ACER2: variants seen among roughly 807,000 people sequenced by gnomAD.
ACER2 encodes the protein alkCDase 2.
Under a neutral mutation model 34.7 loss-of-function variants are expected in ACER2, and 26 were observed. The ratio of observed to expected loss-of-function variants is 0.75; its 90% CI spans 0.55 to 1.04. The LOEUF (loss-of-function observed/expected upper bound fraction) is 1.04, where lower values mean the gene tolerates loss of function less well. ACER2 is among the 50% of genes least tolerant of loss of function. The probability of loss-of-function intolerance (pLI) is 0.00; values close to 1 mark genes in which losing one functional copy is unlikely to be tolerated. For missense variants in ACER2, 352 were observed against 340.8 expected, an observed-to-expected ratio of 1.03 and a Z score of -0.26; for synonymous variants, 138 against 132.1, an observed-to-expected ratio of 1.04 and a Z score of -0.31.
chr9:19,417,815 A>G (rs1031205535), intron 1 of ACER2, among the ~76,000 whole-genome samples: 1 of 152,242 alleles, frequency 6.6e-6, no homozygotes, highest in Non-Finnish European at 1.5e-5. Flanking sequence ...CTTCATGACT[A>G]AAACACCAAG....
intron 5 of ACER2, among the ~76,000 whole-genome samples, chr9:19,447,780 G>C (rs1831415649): frequency 2.0e-5 from 3 of 152,048 alleles, no homozygotes; most frequent in South Asian, 4.1e-4. Context: ...GTTTTTCAAA[G>C]TTGAACCATA....
chr9:19,449,143 A>C (rs1259429409), intron 5 of ACER2, among the ~76,000 whole-genome samples: 1 of 152,270 alleles, frequency 6.6e-6, no homozygotes, highest in Non-Finnish European at 1.5e-5. Context: ...AAAATAAAAA[A>C]TAAAACAGTT....
intron 3 of ACER2, among the ~76,000 whole-genome samples, chr9:19,426,358 TTCTCTCTCTCTCTC>T (rs59963606): frequency 0.25 from 29,793 of 118,124 alleles, 3,491 homozygotes; most frequent in South Asian, 0.34. Flanking sequence ...CTCCCTCTCT[TTCTCTCTCTCTCTC>T]TCTCTCTCTC....
chr9:19,424,253 C>A (rs1377815862), intron 2 of ACER2: 2 of 625,034 alleles, frequency 3.2e-6, no homozygotes, highest in Non-Finnish European at 4.0e-6. Context: ...TCAGGTGAAA[C>A]AACTGAACTC....
intron 5 of ACER2, 21 bp from the exon 6 acceptor site, chr9:19,450,429 A>C: frequency 6.4e-7 from 1 of 1,568,268 alleles, no homozygotes; most frequent in South Asian, 1.2e-5. Flanking sequence ...TCAGGTTCTC[A>C]CCTCTTGTCT....
Position 19,446,091 on chromosome 9 carries a change from C to G in ACER2, c.504-190C>G, listed in dbSNP as rs567139485. 16 of 875,508 alleles carry G rather than the reference C, an allele frequency of 1.8e-5. No homozygotes were observed. In the South Asian group the frequency reaches 1.8e-4, roughly 10 times the overall value. The allele number at this position is 875,508 out of a possible 1,614,324, so 54.2% of individuals were successfully genotyped here. A position where few individuals can be genotyped will look rare whatever the true frequency, so the allele number is the denominator to read the frequency against. ...AGAGAAGCCTGGGTGGGAAGGGTGT[C>G]TGTGAGCCATCTGTGTACATATGGT... On this transcript the variant is annotated intron_variant, in intron 4 of 5. Transcript: ENST00000340967.
In ACER2 at chr9:19,440,502, C is replaced by G. The variant is rs567493178; in HGVS notation, c.503+5418C>G. Among the ~76,000 whole-genome samples, 223 of 152,268 alleles carry G rather than the reference C, an allele frequency of 1.5e-3. 1 individual carries two copies. The highest frequency in any genetic ancestry group is 4.4e-3 in the African/African-American group (181 of 41,548). ...GAGGTCCCAGAGAGCTGCCTTGGCC[C>G]TTCTACCATGTGAGGACACAGCTCT... is the stretch of plus-strand genomic sequence containing the variant. On this transcript the variant is annotated intron_variant, in intron 4 of 5. Coordinates refer to ENST00000340967, the MANE Select transcript of ACER2 (RefSeq NM_001010887.3).
At chr9:19,441,318 A>C (rs989929356) in intron 4 of ACER2, among the ~76,000 whole-genome samples, 4 of 152,060 alleles carry the variant, frequency 2.6e-5, no homozygotes, top group Middle Eastern at 3.2e-3. Flanking sequence ...CAAATTGCTG[A>C]GATTACAGGC....
At chr9:19,412,723 T>C (rs1429465580) in intron 1 of ACER2, among the ~76,000 whole-genome samples, 3 of 151,798 alleles carry the variant, frequency 2.0e-5, no homozygotes, top group African/African-American at 2.4e-5. Context: ...TTTTCCAAGA[T>C]GGTACTGTGT....
chr9:19,413,380 C>T (rs567394518), intron 1 of ACER2, among the ~76,000 whole-genome samples: 10 of 152,272 alleles, frequency 6.6e-5, no homozygotes, highest in South Asian at 2.1e-4. Context: ...GGGAGGATCA[C>T]TTGAGGTCAG....
chr9:19,412,467 ACATGGTGAAACCT>A (rs1830113223), intron 1 of ACER2, among the ~76,000 whole-genome samples: 2 of 152,144 alleles, frequency 1.3e-5, no homozygotes, highest in South Asian at 4.1e-4. Context: ...AACCTGGCCA[ACATGGTGAAACCT>A]CATCTCTACT....
At chr9:19,410,616 G>A (rs762034592) in intron 1 of ACER2, among the ~76,000 whole-genome samples, 2 of 152,168 alleles carry the variant, frequency 1.3e-5, no homozygotes, top group Non-Finnish European at 2.9e-5. Flanking sequence ...AAGCTGAGGT[G>A]GGAGGATCAC....
intron 4 of ACER2, among the ~76,000 whole-genome samples, chr9:19,443,648 AGTTTGTTT>A (rs200934863): frequency 1.3e-5 from 2 of 151,986 alleles, no homozygotes; most frequent in East Asian, 1.9e-4. Context: ...ATTCTAGGCT[AGTTTGTTT>A]GTTTGTTTGT....
At chr9:19,424,628 A>G (rs566819140) in intron 2 of ACER2, 72 bp from the exon 3 acceptor site, 27 of 1,595,684 alleles carry the variant, frequency 1.7e-5, no homozygotes, top group Admixed American at 3.5e-5. Context: ...TGAAAGGACT[A>G]TCCTTAAGCA....
chr9:19,449,753 C>G (rs890458518), intron 5 of ACER2, among the ~76,000 whole-genome samples: 1 of 151,564 alleles, frequency 6.6e-6, no homozygotes, highest in African/African-American at 2.4e-5. Flanking sequence ...CTAGGTGGGC[C>G]TGGTGGTGGG....
chr9:19,426,736 T>G (rs1468815462), intron 3 of ACER2, among the ~76,000 whole-genome samples: 1 of 152,030 alleles, frequency 6.6e-6, no homozygotes, highest in Non-Finnish European at 1.5e-5. Context: ...AATGGGGTGA[T>G]GACATTGGTA....
chr9:19,426,007 A>G (rs1388452775), intron 3 of ACER2, among the ~76,000 whole-genome samples: 1 of 152,226 alleles, frequency 6.6e-6, no homozygotes, highest in African/African-American at 2.4e-5. Context: ...AGAAGCGTCT[A>G]TGAAAAATGC....
chr9:19,409,994 C>T (rs1308867113), intron 1 of ACER2: 3 of 946,920 alleles, frequency 3.2e-6, no homozygotes, highest in East Asian at 1.2e-4. Context: ...GAGGAAATGC[C>T]TCTTATTTTG....
chr9:19,413,327 G>A (rs541191771), intron 1 of ACER2, among the ~76,000 whole-genome samples: 175 of 152,242 alleles, frequency 1.1e-3, no homozygotes, highest in Non-Finnish European at 2.0e-3. Flanking sequence ...GGCTGGGCGC[G>A]GTGGCTCACG....
Sources: gnomAD v4.1 joint callset for allele counts (sites outside exome capture counted in the v4.1 genomes callset) on GRCh38, gnomAD v4.1.1 for gene constraint, MANE v1.5 for transcripts, NCBI Gene and HGNC (gene_info 2026-07-23, HGNC 2026-07-21) for gene names.